Variants in GALNT13 observed in about 807,000 individuals in gnomAD.
GALNT13 encodes the protein polypeptide N-acetylgalactosaminyltransferase 13.
In GALNT13, 28 loss-of-function variants were observed where a neutral mutation model predicts 64.2. The ratio of observed to expected loss-of-function variants is 0.44; its 90% CI spans 0.32 to 0.60. GALNT13 has a LOEUF of 0.60. Ranked by LOEUF, GALNT13 falls within the 20% of genes least tolerant of loss-of-function variation. The pLI is 0.05. For synonymous variants in GALNT13, 214 were observed against 224.6 expected (o/e 0.95, Z 0.42); for missense variants, 577 against 669.8 (o/e 0.86, Z 1.53).
intron 3 of GALNT13, among the ~76,000 whole-genome samples, chr2:154,023,135 G>A (rs546134506): frequency 6.6e-6 from 1 of 152,182 alleles, no homozygotes; most frequent in Non-Finnish European, 1.5e-5. Flanking sequence ...TTTGGAGTAG[G>A]TGTTGTGTAG....
the GALNT13 span, among the ~76,000 whole-genome samples, chr2:153,121,471 C>A: frequency 6.6e-6 from 1 of 152,150 alleles, no homozygotes; most frequent in South Asian, 2.1e-4. Context: ...CCTCAATTAA[C>A]TACTGTTAAT....
At chr2:153,361,956 A>G in the GALNT13 span, among the ~76,000 whole-genome samples, 3 of 152,186 alleles carry the variant, frequency 2.0e-5, no homozygotes, top group Admixed American at 2.0e-4. Flanking sequence ...AGAAAGTACT[A>G]AGGGCAGCCA....
chr2:153,093,242 T>TTC, the GALNT13 span, among the ~76,000 whole-genome samples: 34 of 136,216 alleles, frequency 2.5e-4, 1 homozygote, highest in African/African-American at 9.4e-4. Context: ...TTTTCTTTTC[T>TTC]TTTTTTTTTT....
At chr2:154,146,347 T>A (rs72871871) in intron 4 of GALNT13, among the ~76,000 whole-genome samples, 10,928 of 151,998 alleles carry the variant, frequency 0.072, 472 homozygotes, top group Middle Eastern at 0.14. Context: ...GCAGAAAACA[T>A]GCCACATAAC....
the GALNT13 span, among the ~76,000 whole-genome samples, chr2:153,837,979 G>A: frequency 6.6e-6 from 1 of 151,960 alleles, no homozygotes; most frequent in East Asian, 1.9e-4. Flanking sequence ...AGTGTGAGGT[G>A]ACATCTCGTT....
intron 3 of GALNT13, among the ~76,000 whole-genome samples, chr2:153,973,361 A>C (rs1278346063): frequency 1.3e-5 from 2 of 152,002 alleles, no homozygotes; most frequent in East Asian, 3.9e-4. Flanking sequence ...TATCATTAAG[A>C]GTTACTGATG....
intron 3 of GALNT13, among the ~76,000 whole-genome samples, chr2:153,953,234 G>A (rs1692325012): frequency 6.6e-6 from 1 of 151,902 alleles, no homozygotes; most frequent in African/African-American, 2.4e-5. Flanking sequence ...CATATGCATA[G>A]GAAATGAAAT....
chr2:153,292,053 C>G, the GALNT13 span, among the ~76,000 whole-genome samples: 2 of 152,154 alleles, frequency 1.3e-5, no homozygotes, highest in Non-Finnish European at 2.9e-5. Flanking sequence ...TTTCTACAGG[C>G]GTTTCTGGTG....
chr2:153,481,877 G>T, the GALNT13 span, among the ~76,000 whole-genome samples: 1 of 151,934 alleles, frequency 6.6e-6, no homozygotes, highest in Non-Finnish European at 1.5e-5. Context: ...TTTTAAAAAA[G>T]GAAATATCAA....
the GALNT13 span, among the ~76,000 whole-genome samples, chr2:153,095,925 T>G: frequency 6.6e-6 from 1 of 152,068 alleles, no homozygotes; most frequent in Admixed American, 6.6e-5. Context: ...TTAGGAGATA[T>G]ACCTAATGTA....
chr2:153,889,959 G>T (rs933677189), intron 1 of GALNT13, among the ~76,000 whole-genome samples: 1 of 151,690 alleles, frequency 6.6e-6, no homozygotes, highest in African/African-American at 2.4e-5. Context: ...AGTTTTGTGG[G>T]TGTGTCTGCA....
At chr2:154,245,685 G>T (rs1689742512) in intron 6 of GALNT13, 127 bp from the exon 7 acceptor site, 1 of 581,954 alleles carries the variant, frequency 1.7e-6, no homozygotes, top group Admixed American at 2.9e-5. Flanking sequence ...AGGATAAAAT[G>T]AAGCTAAAGG....
the GALNT13 span, among the ~76,000 whole-genome samples, chr2:153,462,530 T>A: frequency 3.9e-5 from 6 of 152,146 alleles, no homozygotes; most frequent in African/African-American, 1.4e-4. Context: ...GTTTCATCTC[T>A]CTTGAAGATT....
chr2:153,164,027 A>G, the GALNT13 span, among the ~76,000 whole-genome samples: 2 of 152,120 alleles, frequency 1.3e-5, no homozygotes, highest in African/African-American at 4.8e-5. Context: ...CAAAAAAAAA[A>G]AAAAAAAATG....
chr2:153,681,743 T>G, the GALNT13 span, among the ~76,000 whole-genome samples: 32 of 151,704 alleles, frequency 2.1e-4, no homozygotes, highest in Non-Finnish European at 2.9e-5. Flanking sequence ...AGCATTATTT[T>G]CCCCCGCAGT....
At chr2:154,161,500 A>G (rs1349595321) in intron 4 of GALNT13, among the ~76,000 whole-genome samples, 1 of 152,154 alleles carries the variant, frequency 6.6e-6, no homozygotes, top group Non-Finnish European at 1.5e-5. Flanking sequence ...GCTGAGACAG[A>G]TGGTGTGGAC....
chr2:153,545,850 G>A, the GALNT13 span, among the ~76,000 whole-genome samples: 193 of 152,302 alleles, frequency 1.3e-3, 3 homozygotes, highest in Non-Finnish European at 1.9e-4. Flanking sequence ...CTGGCAAGAG[G>A]ATATGCCTAG....
At chr2:154,218,755 A>G (rs547444365) in intron 4 of GALNT13, among the ~76,000 whole-genome samples, 4 of 152,140 alleles carry the variant, frequency 2.6e-5, no homozygotes, top group East Asian at 1.9e-4. Flanking sequence ...TTTGCCTTTC[A>G]TACCTTAAAC....
chr2:154,284,171 T>C (rs1692124542), intron 8 of GALNT13, among the ~76,000 whole-genome samples: 1 of 152,148 alleles, frequency 6.6e-6, no homozygotes, highest in African/African-American at 2.4e-5. Context: ...ACAAAATACA[T>C]CATCATTAAC....
Sources: gnomAD v4.1 joint callset for allele counts (sites outside exome capture counted in the v4.1 genomes callset) on GRCh38, gnomAD v4.1.1 for gene constraint, MANE v1.5 for transcripts, NCBI Gene and HGNC (gene_info 2026-07-23, HGNC 2026-07-21) for gene names.